Variants in ADGRV1 observed in about 807,000 individuals in gnomAD.
ADGRV1 encodes the protein G-protein coupled receptor 98.
In ADGRV1, 359 loss-of-function variants were observed where a neutral mutation model predicts 596.2. That is an observed-to-expected ratio of 0.60 (90% CI 0.55 to 0.66). ADGRV1 has a LOEUF of 0.66. Ranked by LOEUF, ADGRV1 falls within the 30% of genes least tolerant of loss-of-function variation. ADGRV1 has a pLI of 0.00. For synonymous variants in ADGRV1, 2,681 were observed against 2,679.2 expected, an observed-to-expected ratio of 1.00 and a Z score of -0.02; for missense variants, 7,274 against 7,575.6, an observed-to-expected ratio of 0.96 and a Z score of 1.48.
At chr5:90,794,989 G>A (rs1426665764) in intron 70 of ADGRV1, among the ~76,000 whole-genome samples, 1 of 151,804 alleles carries the variant, frequency 6.6e-6, no homozygotes. Context: ...AACCTACACA[G>A]ACAGGAGACT....
intron 83 of ADGRV1, among the ~76,000 whole-genome samples, chr5:90,906,161 T>A (rs1452119007): frequency 1.3e-5 from 2 of 152,114 alleles, no homozygotes; most frequent in South Asian, 4.1e-4. Flanking sequence ...TTCATTAATA[T>A]TTGTTGAAGA....
In ADGRV1 at chr5:90,840,665, G is replaced by A. The variant is rs201677553; in HGVS notation, c.16699G>A (p.Val5567Ile). ...KDFVITEGTL[V>I]FEPGQRSTVL... ...TTTTGTGATAACTGAAGGCACATTGGTCTTTGAACCTGGCCAGAGAAGCAC... is the reference window on the plus strand; with the variant it reads ...TTTTGTGATAACTGAAGGCACATTGATCTTTGAACCTGGCCAGAGAAGCAC... The change falls in exon 78 of 90, where the codon GTC (valine) becomes ATC (isoleucine). Residue 5567 changes from valine to isoleucine, a missense_variant. By Grantham distance (29) the Val-to-Ile change is conservative. This residue lies in a region of ADGRV1 where 1,874 missense variants were observed against 1,970.2 expected (regional missense o/e 0.95). Coordinates refer to ENST00000405460, the MANE Select transcript of ADGRV1 (RefSeq NM_032119.4). 53 of 1,613,856 alleles carry A rather than the reference G, an allele frequency of 3.3e-5. No individual in the cohort carries two copies. In the African/African-American group the frequency reaches 5.3e-4, roughly 16 times the overall value.
At chr5:91,069,799 C>T (rs1788211325) in intron 85 of ADGRV1, among the ~76,000 whole-genome samples, 1 of 151,972 alleles carries the variant, frequency 6.6e-6, no homozygotes, top group Admixed American at 6.6e-5. Flanking sequence ...AAAAAAGACA[C>T]AAGTACTTAT....
At position 90,725,076 on chromosome 5, in the gene ADGRV1, C is replaced by T. The variant is rs1351227258; in HGVS notation, c.9907-10C>T. On this transcript the variant is annotated splice_polypyrimidine_tract_variant and intron_variant, in intron 46 of 89. Transcript: ENST00000405460. ...AATGAATAACTGTATTCTTATTCCTCATTTTCTAGGATTTAAATATAGAAA... is the reference window on the plus strand; with the variant it reads ...AATGAATAACTGTATTCTTATTCCTTATTTTCTAGGATTTAAATATAGAAA... 5 of 1,532,508 alleles carry T rather than the reference C, an allele frequency of 3.3e-6. No homozygotes were observed. In the South Asian group the frequency reaches 6.1e-5, roughly 19 times the overall value. The allele number at this position is 1,532,508 out of a possible 1,614,324, so 94.9% of individuals were successfully genotyped here. A position where few individuals can be genotyped will look rare whatever the true frequency, so the allele number is the denominator to read the frequency against.
At chr5:90,613,725 C>G (rs1762994100) in intron 1 of ADGRV1, among the ~76,000 whole-genome samples, 1 of 152,078 alleles carries the variant, frequency 6.6e-6, no homozygotes, top group Non-Finnish European at 1.5e-5. Flanking sequence ...CAGTCTCAGA[C>G]TGCATTGTCT....
intron 45 of ADGRV1, among the ~76,000 whole-genome samples, chr5:90,723,531 T>G (rs1751362229): frequency 6.6e-6 from 1 of 152,218 alleles, no homozygotes; most frequent in Non-Finnish European, 1.5e-5. Context: ...CATTGCTTAT[T>G]CTTCATTTGT....
At chr5:90,596,001 C>A (rs1371777337) in intron 1 of ADGRV1, among the ~76,000 whole-genome samples, 1 of 149,970 alleles carries the variant, frequency 6.7e-6, no homozygotes, top group Non-Finnish European at 1.5e-5. Flanking sequence ...GACGGGGCGG[C>A]TGCCGGGCGG....
chr5:90,817,271 T>C (rs1206302638), intron 75 of ADGRV1, among the ~76,000 whole-genome samples: 2 of 150,016 alleles, frequency 1.3e-5, no homozygotes, highest in Non-Finnish European at 2.9e-5. Context: ...TTGTTTTTTT[T>C]CTTGTAAATT....
chr5:91,149,239 T>C (rs1182068481), intron 87 of ADGRV1, among the ~76,000 whole-genome samples: 1 of 152,228 alleles, frequency 6.6e-6, no homozygotes, highest in African/African-American at 2.4e-5. Context: ...CGGAATGATA[T>C]GGTTTGGCTC....
rs762744741 is a variant in ADGRV1, at chr5:90,653,883, G to A, written c.4309G>A (p.Glu1437Lys). The stretch of plus-strand genomic sequence containing the variant: ...AATTATCCTGGAGGATGGTATAATC[G>A]AATTCTACCTGGATGGAAATGCAAT... The part of the protein sequence containing the change: ...LLIILEDGII[E>K]FYLDGNAMPR... Residue 1437 changes from glutamate (E) to lysine (K), a missense_variant, in exon 20 of 90, where the codon GAA becomes AAA. Coordinates refer to ENST00000405460, the MANE Select transcript of ADGRV1 (RefSeq NM_032119.4). 2.5e-5 allele frequency: 40 copies of A among 1,596,310 alleles called. No homozygotes were observed. The highest frequency in any genetic ancestry group is 5.7e-5 in the South Asian group (5 of 88,134).
intron 27 of ADGRV1, among the ~76,000 whole-genome samples, chr5:90,682,528 T>C (rs1745074762): frequency 6.6e-6 from 1 of 152,258 alleles, no homozygotes; most frequent in South Asian, 2.1e-4. Context: ...AAGGATTCAT[T>C]GTTCAGTGAC....
At position 90,841,008 on chromosome 5, in the gene ADGRV1, A is replaced by G. The variant is rs1381395034; in HGVS notation, c.17019+23A>G. The G allele has an allele frequency of 3.6e-6, 5 of 1,406,376 alleles. No individual in the cohort carries two copies. In the Admixed American group the frequency reaches 7.7e-5, roughly 22 times the overall value. 87.1% of individuals were successfully genotyped at this position (1,406,376 alleles called of 1,614,324 possible). ...AAGGTAAGTTTTTGTGAATATTAGT[A>G]ATTTGTTTAGTGAAATTTTGTAAAT... On this transcript the variant is annotated intron_variant, in intron 78 of 89. Transcript: ENST00000405460.
Position 90,581,649 on chromosome 5 carries a change from T to C in ADGRV1, c.22+22732T>C, listed in dbSNP as rs543414825. On this transcript the variant is annotated intron_variant, in intron 1 of 89. Coordinates refer to ENST00000405460, the MANE Select transcript of ADGRV1 (RefSeq NM_032119.4). ...CAGAGGGGCACCTGCCTGTATGAGG[T>C]GTCTGTCGGCCCCTACTGGGAGGTG... Among the ~76,000 whole-genome samples, 10 of 152,230 alleles carry C rather than the reference T, an allele frequency of 6.6e-5. No individual in the cohort carries two copies. In the South Asian group the frequency reaches 2.1e-3, roughly 32 times the overall value.
chr5:90,619,038 A>T, intron 3 of ADGRV1, 48 bp from the exon 4 acceptor site: 3 of 876,464 alleles, frequency 3.4e-6, no homozygotes, highest in Non-Finnish European at 5.0e-6. Context: ...TTTTTAACTT[A>T]TTATTTTATT....
chr5:90,921,895 G>A (rs1328692521), intron 83 of ADGRV1, among the ~76,000 whole-genome samples: 3 of 148,174 alleles, frequency 2.0e-5, no homozygotes, highest in Admixed American at 1.4e-4. Context: ...TGTGACTTCC[G>A]AGGTCATCCT....
At chr5:91,078,282 T>C (rs979530978) in intron 86 of ADGRV1, among the ~76,000 whole-genome samples, 1 of 152,156 alleles carries the variant, frequency 6.6e-6, no homozygotes, top group Non-Finnish European at 1.5e-5. Flanking sequence ...GTTGAGTGCC[T>C]TTTTTACTCT....
In ADGRV1 at chr5:90,811,078, C is replaced by T. The variant is rs766812068; in HGVS notation, c.15818C>T (p.Ala5273Val). ...GERCAQMEPN[A>V]LPFRGIYGIS... ...AGATGTGCTCAGATGGAACCAAATG[C>T]ATTGCCCTTTCGTGGTATCTATGGG... The change falls in exon 74 of 90, where the codon GCA becomes GTA. Residue 5273 changes from alanine to valine, a missense_variant. Ala to Val is a moderately conservative substitution (Grantham distance 64, BLOSUM62 0). Around this residue, in one of 5 missense-constraint regions of ADGRV1, gnomAD observed 1,874 missense variants for 1,970.2 expected, o/e 0.95. Coordinates refer to ENST00000405460, the MANE Select transcript of ADGRV1 (RefSeq NM_032119.4). 3 of 1,613,946 alleles carry T rather than the reference C, an allele frequency of 1.9e-6. No homozygotes were observed. The Admixed American group carries it at 5.0e-5, about 27-fold the overall frequency.
intron 17 of ADGRV1, 39 bp downstream of exon 17, chr5:90,647,803 G>A: frequency 6.4e-7 from 1 of 1,569,662 alleles, no homozygotes; most frequent in Non-Finnish European, 8.7e-7. Flanking sequence ...ATCTGCCTCA[G>A]TGCTTTAATA....
At chr5:90,595,838 C>A (rs1319988828) in intron 1 of ADGRV1, among the ~76,000 whole-genome samples, 2 of 147,190 alleles carry the variant, frequency 1.4e-5, no homozygotes, top group Admixed American at 1.3e-4. Flanking sequence ...GGGTGGGCGG[C>A]TGACGCCCCC....
Sources: allele counts gnomAD v4.1 joint callset (sites outside exome capture counted in the v4.1 genomes callset), GRCh38; gene constraint gnomAD v4.1.1; regional missense constraint gnomAD v4.1.1; transcripts MANE v1.5; gene names NCBI Gene and HGNC (gene_info 2026-07-23, HGNC 2026-07-21).